Variants in TMEM135 observed in about 807,000 individuals in gnomAD.
TMEM135 encodes the protein transmembrane protein 135, also known as peroxisomal membrane protein 52.
TMEM135 carries 30 observed loss-of-function variants against 60.3 expected under a neutral mutation model. The ratio of observed to expected loss-of-function variants is 0.50; its 90% CI spans 0.37 to 0.68. TMEM135 has a LOEUF of 0.68. Ranked by LOEUF, TMEM135 falls within the 30% of genes least tolerant of loss-of-function variation. The pLI, the probability that TMEM135 is intolerant of heterozygous loss-of-function variation, is 0.00. For missense variants in TMEM135, 468 were observed against 548.8 expected (o/e 0.85, Z 1.47); for synonymous variants, 190 against 186.7 (o/e 1.02, Z -0.14).
At chr11:87,042,774 T>C (rs982222392) in intron 1 of TMEM135, among the ~76,000 whole-genome samples, 4 of 151,422 alleles carry the variant, frequency 2.6e-5, no homozygotes, top group Admixed American at 1.3e-4. Flanking sequence ...TTCTATACAT[T>C]TGCCCTCATG....
intron 4 of TMEM135, among the ~76,000 whole-genome samples, chr11:87,133,844 A>G (rs550988): frequency 1.3e-5 from 2 of 151,928 alleles, no homozygotes; most frequent in Non-Finnish European, 2.9e-5. Flanking sequence ...TGAGATTCAT[A>G]TATTTTATTT....
chr11:87,150,609 GT>G (rs1938534526), intron 4 of TMEM135, among the ~76,000 whole-genome samples: 1 of 151,950 alleles, frequency 6.6e-6, no homozygotes, highest in Admixed American at 6.6e-5. Flanking sequence ...GCTACCTTAT[GT>G]TTTTTTCATA....
At chr11:87,241,675 C>T (rs1941137624) in intron 6 of TMEM135, among the ~76,000 whole-genome samples, 1 of 151,974 alleles carries the variant, frequency 6.6e-6, no homozygotes, top group African/African-American at 2.4e-5. Flanking sequence ...ACTATTTTTT[C>T]CAGCCTCTGG....
intron 6 of TMEM135, among the ~76,000 whole-genome samples, chr11:87,260,628 G>A (rs1941632032): frequency 6.6e-6 from 1 of 151,918 alleles, no homozygotes; most frequent in African/African-American, 2.4e-5. Flanking sequence ...GACTGATGGA[G>A]CTTTTACCTT....
intron 5 of TMEM135, among the ~76,000 whole-genome samples, chr11:87,219,116 A>G (rs1940565099): frequency 6.6e-6 from 1 of 152,260 alleles, no homozygotes; most frequent in Non-Finnish European, 1.5e-5. Context: ...ATTTATATGT[A>G]GCTAATTAGA....
chr11:87,312,933 G>T (rs542298849), intron 10 of TMEM135, among the ~76,000 whole-genome samples: 1 of 151,700 alleles, frequency 6.6e-6, no homozygotes, highest in Admixed American at 6.6e-5. Flanking sequence ...CTAAATTTTT[G>T]TCTGGTGTCA....
chr11:87,144,079 A>C lies in TMEM135; in HGVS notation c.397-13262A>C, dbSNP rs112030554. 3.2e-3 allele frequency among the ~76,000 whole-genome samples: 492 copies of C among 152,284 alleles called. 6 individuals carry two copies. The highest frequency in any genetic ancestry group is 0.011 in the African/African-American group (470 of 41,556). On this transcript the variant is annotated intron_variant, in intron 4 of 14. Transcript: ENST00000305494. ...AGATGTTCCTGATAAATTTCTTTTA[A>C]AATTTCAAAACTAATATATGTACCT...
chr11:87,145,459 CTGGGTCATA>C, intron 4 of TMEM135, among the ~76,000 whole-genome samples: 1 of 152,276 alleles, frequency 6.6e-6, no homozygotes, highest in Admixed American at 6.5e-5. Context: ...AGTGGGATTG[CTGGGTCATA>C]TGGCAGTTCT....
intron 6 of TMEM135, among the ~76,000 whole-genome samples, chr11:87,267,113 T>C (rs930098274): frequency 7.9e-5 from 12 of 152,192 alleles, no homozygotes; most frequent in African/African-American, 2.9e-4. Context: ...AGCTAATGAA[T>C]TGGAAGTGTC....
chr11:87,041,146 C>T (rs891232838), intron 1 of TMEM135, among the ~76,000 whole-genome samples: 5 of 152,052 alleles, frequency 3.3e-5, no homozygotes, highest in Non-Finnish European at 5.9e-5. Flanking sequence ...TAGTCCTTTA[C>T]GTATTTTATC....
intron 5 of TMEM135, among the ~76,000 whole-genome samples, chr11:87,216,616 G>A (rs1003395636): frequency 6.6e-6 from 1 of 152,064 alleles, no homozygotes; most frequent in African/African-American, 2.4e-5. Context: ...TTTTGTTTGA[G>A]CAAAGAGTTT....
intron 6 of TMEM135, among the ~76,000 whole-genome samples, chr11:87,295,508 GGAGCCCTTA>G (rs1050648629): frequency 1.3e-5 from 2 of 152,108 alleles, no homozygotes; most frequent in African/African-American, 4.8e-5. Flanking sequence ...AAGTCCAGAT[GGAGCCCTTA>G]GATTTACTTA....
At position 87,324,913 on chromosome 11, in the gene TMEM135, A is replaced by T; in HGVS notation, c.*3580A>T. The T allele has an allele frequency of 2.2e-6, 1 of 454,042 alleles. No individual in the cohort carries two copies. Among genetic ancestry groups the T allele is most frequent in the Non-Finnish European group, 4.4e-6 (1 of 226,772 alleles). The allele number at this position is 454,042 out of a possible 1,614,324, so 28.1% of individuals were successfully genotyped here. A position where few individuals can be genotyped will look rare whatever the true frequency, so the allele number is the denominator to read the frequency against. ...TTCACTCAGCTGAAAATGAGTGGCC[A>T]AGAAAAAAATACAAGAAAAGGAATA... On this transcript the variant is annotated 3_prime_UTR_variant, in exon 15 of 15. Coordinates refer to ENST00000305494, the MANE Select transcript of TMEM135 (RefSeq NM_022918.4).
At chr11:87,043,491 T>A (rs929252133) in intron 1 of TMEM135, among the ~76,000 whole-genome samples, 3 of 151,844 alleles carry the variant, frequency 2.0e-5, no homozygotes, top group Non-Finnish European at 4.4e-5. Flanking sequence ...TTTGGGAGGC[T>A]GAGGCGGGTG....
intron 3 of TMEM135, among the ~76,000 whole-genome samples, chr11:87,080,328 C>T (rs1363699050): frequency 6.6e-6 from 1 of 152,088 alleles, no homozygotes; most frequent in African/African-American, 2.4e-5. Flanking sequence ...ATGCCATTAG[C>T]ACTGCCTTCC....
At chr11:87,291,138 C>G (rs73531606) in intron 6 of TMEM135, among the ~76,000 whole-genome samples, 1,896 of 152,278 alleles carry the variant, frequency 0.012, 49 homozygotes, top group African/African-American at 0.044. Context: ...AATCAGACCT[C>G]TCCCTTAATC....
chr11:87,237,896 CA>C (rs1436071111), intron 6 of TMEM135, among the ~76,000 whole-genome samples: 1 of 151,850 alleles, frequency 6.6e-6, no homozygotes. Context: ...TTAGATCCCA[CA>C]AATAAGTGAG....
chr11:87,108,261 G>A (rs1339254846), intron 4 of TMEM135, among the ~76,000 whole-genome samples: 3 of 152,124 alleles, frequency 2.0e-5, no homozygotes. Context: ...AAGCTCTTTA[G>A]TTTAATTAGA....
At chr11:87,171,178 G>A (rs909083368) in intron 5 of TMEM135, among the ~76,000 whole-genome samples, 1 of 152,042 alleles carries the variant, frequency 6.6e-6, no homozygotes, top group Admixed American at 6.6e-5. Flanking sequence ...CAGGGTGGGT[G>A]GTGTCATGTT....
Sources: gnomAD v4.1 joint callset for allele counts (sites outside exome capture counted in the v4.1 genomes callset) on GRCh38, gnomAD v4.1.1 for gene constraint, MANE v1.5 for transcripts, NCBI Gene and HGNC (gene_info 2026-07-23, HGNC 2026-07-21) for gene names.